RGS6: variants seen among roughly 807,000 people sequenced by gnomAD.
RGS6 encodes regulator of G-protein signaling 6.
RGS6 carries 30 observed loss-of-function variants against 78.5 expected under a neutral mutation model. The ratio of observed to expected loss-of-function variants is 0.38; its 90% CI spans 0.29 to 0.52. The LOEUF is 0.52. Among genes scored for constraint, RGS6 ranks in the 20% least tolerant of loss-of-function variants. The probability of loss-of-function intolerance (pLI) is 0.85; values close to 1 mark genes in which losing one functional copy is unlikely to be tolerated. For missense variants in RGS6, 495 were observed against 609.7 expected (o/e 0.81, Z 1.98); for synonymous variants, 206 against 206.0 (o/e 1.00, Z 0.00).
At chr14:72,391,934 T>A (rs1285689307) in intron 3 of RGS6, among the ~76,000 whole-genome samples, 1 of 152,242 alleles carries the variant, frequency 6.6e-6, no homozygotes, top group African/African-American at 2.4e-5. Context: ...GAACTCATCC[T>A]TTTTTATGGC....
At chr14:72,341,631 G>A (rs780842526) in intron 2 of RGS6, among the ~76,000 whole-genome samples, 1 of 152,222 alleles carries the variant, frequency 6.6e-6, no homozygotes, top group South Asian at 2.1e-4. Context: ...AACAGGCTGG[G>A]AGGAGTGGTG....
intron 2 of RGS6, among the ~76,000 whole-genome samples, chr14:72,018,712 G>GT (rs1394068985): frequency 6.6e-6 from 1 of 152,170 alleles, no homozygotes; most frequent in Non-Finnish European, 1.5e-5. Context: ...GACTTTGCCT[G>GT]TTTCTCCTCT....
chr14:72,414,107 T>C (rs559171257), intron 3 of RGS6, among the ~76,000 whole-genome samples: 44 of 152,336 alleles, frequency 2.9e-4, no homozygotes, highest in African/African-American at 1.1e-3. Context: ...TGAATTTGAA[T>C]GTTGGCCTGC....
At chr14:72,305,080 G>T (rs1400418730) in intron 2 of RGS6, among the ~76,000 whole-genome samples, 1 of 152,142 alleles carries the variant, frequency 6.6e-6, no homozygotes, top group Non-Finnish European at 1.5e-5. Context: ...AGTTTTACAA[G>T]AAGTGAGGGC....
At chr14:72,354,506 C>T (rs898484472) in intron 3 of RGS6, among the ~76,000 whole-genome samples, 38 of 150,646 alleles carry the variant, frequency 2.5e-4, no homozygotes, top group South Asian at 2.1e-4. Flanking sequence ...TGTGGTGGCA[C>T]GTGCTTGTAG....
At chr14:72,261,972 G>A (rs970042378) in intron 2 of RGS6, among the ~76,000 whole-genome samples, 2 of 151,678 alleles carry the variant, frequency 1.3e-5, no homozygotes, top group African/African-American at 4.8e-5. Context: ...TTCAAATGAG[G>A]TTATTAAATC....
At chr14:72,030,409 ATAT>A (rs5809555) in intron 2 of RGS6, among the ~76,000 whole-genome samples, 6,607 of 152,280 alleles carry the variant, frequency 0.043, 173 homozygotes, top group African/African-American at 0.077. Flanking sequence ...GGATAGAAAA[ATAT>A]TATGCAAATA....
chr14:72,203,467 G>A (rs921096103), intron 2 of RGS6, among the ~76,000 whole-genome samples: 3 of 152,194 alleles, frequency 2.0e-5, no homozygotes, highest in Non-Finnish European at 4.4e-5. Flanking sequence ...GGCTTTGCTG[G>A]GTACCAAGGC....
intron 14 of RGS6, among the ~76,000 whole-genome samples, chr14:72,517,326 G>C (rs535762946): frequency 6.6e-6 from 1 of 152,250 alleles, no homozygotes; most frequent in East Asian, 1.9e-4. Flanking sequence ...ACTCACTGAT[G>C]GGGGAGCTGG....
chr14:72,116,527 G>A (rs907643299), intron 2 of RGS6, among the ~76,000 whole-genome samples: 3 of 150,760 alleles, frequency 2.0e-5, no homozygotes, highest in Non-Finnish European at 4.4e-5. Flanking sequence ...CCCCATCCCC[G>A]CTGCAGTTGA....
intron 2 of RGS6, among the ~76,000 whole-genome samples, chr14:72,295,918 T>C (rs1164151273): frequency 6.6e-6 from 1 of 152,380 alleles, no homozygotes; most frequent in East Asian, 1.9e-4. Flanking sequence ...AGCTTTTAAG[T>C]ACACAGTTTG....
intron 2 of RGS6, among the ~76,000 whole-genome samples, chr14:72,185,455 T>G (rs1178211692): frequency 6.6e-6 from 1 of 152,180 alleles, no homozygotes; most frequent in Non-Finnish European, 1.5e-5. Flanking sequence ...TAGAAAACTC[T>G]TGATGAGAGT....
chr14:72,234,082 T>C (rs561853949), intron 2 of RGS6, among the ~76,000 whole-genome samples: 67 of 152,230 alleles, frequency 4.4e-4, no homozygotes, highest in African/African-American at 1.6e-3. Context: ...TCTTAGAGTG[T>C]TGTGTGGCTT....
intron 12 of RGS6, 32 bp from the exon 13 acceptor site, chr14:72,495,120 G>T (rs557553036): frequency 1.6e-5 from 19 of 1,216,418 alleles, no homozygotes; most frequent in African/African-American, 4.5e-5. Flanking sequence ...AAGGAAATCA[G>T]TGGCATTCTT....
chr14:72,330,112 A>T (rs749415657), intron 2 of RGS6, among the ~76,000 whole-genome samples: 5 of 152,240 alleles, frequency 3.3e-5, no homozygotes, highest in Non-Finnish European at 7.3e-5. Context: ...CTCCAGCATC[A>T]GGGGTGTTGC....
chr14:72,388,768 A>G (rs901654876), intron 3 of RGS6, among the ~76,000 whole-genome samples: 7 of 152,128 alleles, frequency 4.6e-5, no homozygotes, highest in South Asian at 4.1e-4. Flanking sequence ...TGGGCTCTGT[A>G]CCTTGGCCAC....
intron 3 of RGS6, among the ~76,000 whole-genome samples, chr14:72,369,339 A>T (rs748359644): frequency 5.3e-5 from 8 of 152,226 alleles, no homozygotes; most frequent in Non-Finnish European, 1.0e-4. Context: ...AAGATTCCTT[A>T]GCACCTCCAG....
At chr14:71,880,394 T>C in the RGS6 span, among the ~76,000 whole-genome samples, 6 of 152,194 alleles carry the variant, frequency 3.9e-5, no homozygotes, top group African/African-American at 1.4e-4. Context: ...GGAAAATGTC[T>C]CCAGGGAATG....
intron 2 of RGS6, among the ~76,000 whole-genome samples, chr14:72,109,664 C>T (rs150128073): frequency 3.0e-4 from 45 of 152,158 alleles, no homozygotes; most frequent in African/African-American, 1.0e-3. Context: ...TAGGTTAATC[C>T]GCATGCTTTA....
Sources: gnomAD v4.1 joint callset for allele counts (sites outside exome capture counted in the v4.1 genomes callset) on GRCh38, gnomAD v4.1.1 for gene constraint, MANE v1.5 for transcripts, NCBI Gene and HGNC (gene_info 2026-07-23, HGNC 2026-07-21) for gene names.